UNC79: variants seen among roughly 807,000 people sequenced by gnomAD.
UNC79 encodes unc-79 subunit of NALCN channel complex, also known as protein unc-79 homolog.
In UNC79, 37 loss-of-function variants were observed where a neutral mutation model predicts 283.1. That is an observed-to-expected ratio of 0.13 (90% CI 0.10 to 0.17). The LOEUF (loss-of-function observed/expected upper bound fraction) is 0.17, where lower values mean the gene tolerates loss of function less well. UNC79 is among the 10% of genes least tolerant of loss of function. The pLI is 1.00. For missense variants in UNC79, 2,272 were observed against 3,211.1 expected, an observed-to-expected ratio of 0.71 and a Z score of 7.07; for synonymous variants, 1,107 against 1,200.2, an observed-to-expected ratio of 0.92 and a Z score of 1.61.
chr14:93,496,139 T>C (rs1471744693), intron 5 of UNC79, among the ~76,000 whole-genome samples: 3 of 152,208 alleles, frequency 2.0e-5, no homozygotes, highest in Non-Finnish European at 2.9e-5. Flanking sequence ...TACAAGTTTA[T>C]TTTATGAATG....
In UNC79 at chr14:93,669,682, A is replaced by G. The variant is rs541997621; in HGVS notation, c.6637-3669A>G. ...TAACATGGCAAAACCTCGTCTCTAT[A>G]AAAAAATTTTAAAAAAATTAGCTGG... is the stretch of plus-strand genomic sequence containing the variant. On this transcript the variant is annotated intron_variant, in intron 40 of 48. Coordinates refer to ENST00000555664, the Ensembl canonical transcript of UNC79. Among the ~76,000 whole-genome samples, 212 of 152,224 alleles carry G rather than the reference A, an allele frequency of 1.4e-3. 3 individuals are homozygous for G. The highest frequency in any genetic ancestry group is 2.5e-3 in the East Asian group (13 of 5,182).
intron 1 of UNC79, among the ~76,000 whole-genome samples, chr14:93,424,368 C>T (rs1227461671): frequency 6.6e-6 from 1 of 152,000 alleles, no homozygotes; most frequent in East Asian, 1.9e-4. Flanking sequence ...GGTATATACC[C>T]AAAGTAATGG....
intron 18 of UNC79, 50 bp from the exon 19 acceptor site, chr14:93,580,097 TTC>T (rs2063702137): frequency 2.7e-6 from 4 of 1,503,824 alleles, no homozygotes; most frequent in Non-Finnish European, 2.7e-6. Context: ...CTCCTTCTTC[TTC>T]TTTTTTTTTT....
At chr14:93,431,727 C>T (rs1156446267) in intron 1 of UNC79, among the ~76,000 whole-genome samples, 1 of 152,192 alleles carries the variant, frequency 6.6e-6, no homozygotes, top group African/African-American at 2.4e-5. Flanking sequence ...GTAGGGCAGC[C>T]CATAGCACCG....
chr14:93,572,632 G>A, intron 15 of UNC79, 61 bp from the exon 16 acceptor site: 1 of 1,598,046 alleles, frequency 6.3e-7, no homozygotes, highest in Non-Finnish European at 8.5e-7. Context: ...AGACGGTGGT[G>A]GTATTAGTAG....
chr14:93,435,106 T>C (rs1298669071), intron 1 of UNC79, among the ~76,000 whole-genome samples: 1 of 152,212 alleles, frequency 6.6e-6, no homozygotes, highest in Non-Finnish European at 1.5e-5. Flanking sequence ...AATAGAAAAG[T>C]ACTTCTCCTT....
chr14:93,656,649 G>C (rs920048802), intron 38 of UNC79, among the ~76,000 whole-genome samples: 29 of 152,014 alleles, frequency 1.9e-4, no homozygotes, highest in Non-Finnish European at 1.3e-4. Flanking sequence ...GAGAGACTCT[G>C]TCTCAAAAAT....
intron 48 of UNC79, 109 bp from the exon 52 acceptor site, chr14:93,706,595 A>G (rs2075896181): frequency 1.6e-6 from 2 of 1,276,040 alleles, no homozygotes; most frequent in Admixed American, 1.9e-5. Flanking sequence ...CAGGCCAGAC[A>G]ACCCTTGAGC....
chr14:93,646,118 A>G (rs767147699), intron 34 of UNC79, among the ~76,000 whole-genome samples: 31 of 152,160 alleles, frequency 2.0e-4, no homozygotes, highest in African/African-American at 4.8e-5. Flanking sequence ...TACTTAACCA[A>G]TACATTTCTC....
chr14:93,436,865 C>G (rs369979038), intron 1 of UNC79, among the ~76,000 whole-genome samples: 2 of 151,982 alleles, frequency 1.3e-5, no homozygotes, highest in East Asian at 3.8e-4. Context: ...TCTTGTTTTT[C>G]TCTCCTTCTG....
At chr14:93,408,453 G>A (rs1289323296) in intron 1 of UNC79, among the ~76,000 whole-genome samples, 32 of 152,182 alleles carry the variant, frequency 2.1e-4, no homozygotes, top group Admixed American at 2.1e-3. Context: ...AGTACTTTGG[G>A]AGGCCACGGT....
chr14:93,356,924 G>T (rs1028388785), intron 1 of UNC79, among the ~76,000 whole-genome samples: 2 of 152,108 alleles, frequency 1.3e-5, no homozygotes, highest in Admixed American at 1.3e-4. Context: ...ATTGTATGTC[G>T]TGAGGTTTGG....
chr14:93,600,355 T>C (rs2065409924), intron 24 of UNC79, among the ~76,000 whole-genome samples: 1 of 149,026 alleles, frequency 6.7e-6, no homozygotes, highest in South Asian at 2.1e-4. Context: ...TCAAGAGATA[T>C]TCTACAAGGA....
rs77611870 is a variant in UNC79, at chr14:93,517,056, T to A, written c.899-6922T>A. Reference sequence around the variant, plus strand: ...CAACCTTGCTAAATTCACTTCTTAGTTTTTGTGGCTTTTTTGTAAGTTTCT... The same window carrying A: ...CAACCTTGCTAAATTCACTTCTTAGATTTTGTGGCTTTTTTGTAAGTTTCT... On this transcript the variant is annotated intron_variant, in intron 7 of 48. Transcript: ENST00000555664. Among the ~76,000 whole-genome samples the A allele has an allele frequency of 8.3e-3, 1,263 of 152,140 alleles. 10 individuals carry two copies. The highest frequency in any genetic ancestry group is 0.012 in the Non-Finnish European group (798 of 67,978).
intron 26 of UNC79, 128 bp from the exon 28 acceptor site, chr14:93,612,667 TAA>T (rs779357767): frequency 8.6e-6 from 11 of 1,280,090 alleles, no homozygotes; most frequent in Non-Finnish European, 1.2e-5. Context: ...TTAAGTTTCT[TAA>T]AGTCTGTCTG....
chr14:93,452,322 A>G (rs1566944236), intron 1 of UNC79, among the ~76,000 whole-genome samples: 1 of 151,752 alleles, frequency 6.6e-6, no homozygotes, highest in Admixed American at 6.6e-5. Context: ...ATAGTTAACT[A>G]CAATGAACAT....
intron 7 of UNC79, among the ~76,000 whole-genome samples, chr14:93,503,984 T>C (rs1327096803): frequency 6.6e-6 from 1 of 152,106 alleles, no homozygotes; most frequent in East Asian, 1.9e-4. Context: ...CTCTTATGGA[T>C]AGCCAGTTGG....
rs1455500288 is a variant in UNC79, at chr14:93,586,747, G to A, written c.2884-13G>A. ...TTTTGGATAACTTAGTAACCATGTG[G>A]TTTTTTGTATAGGAAATGGCTAAGT... On this transcript the variant is annotated splice_polypyrimidine_tract_variant and intron_variant, in intron 21 of 48. Coordinates refer to ENST00000555664, the Ensembl canonical transcript of UNC79. 1 of 1,613,332 alleles carries A rather than the reference G, an allele frequency of 6.2e-7. No homozygotes were observed. The highest frequency in any genetic ancestry group is 8.5e-7 in the Non-Finnish European group (1 of 1,179,816).
intron 1 of UNC79, among the ~76,000 whole-genome samples, chr14:93,357,704 T>C (rs1166065008): frequency 1.6e-5 from 2 of 125,226 alleles, no homozygotes; most frequent in Non-Finnish European, 3.2e-5. Flanking sequence ...TATATATATA[T>C]ATATATATAT....
Sources: gnomAD v4.1 joint callset for allele counts (sites outside exome capture counted in the v4.1 genomes callset) on GRCh38, gnomAD v4.1.1 for gene constraint, MANE v1.5 for transcripts, NCBI Gene and HGNC (gene_info 2026-07-23, HGNC 2026-07-21) for gene names.